RTL4: variants seen among roughly 807,000 people sequenced by gnomAD.
RTL4 encodes retrotransposon Gag like 4.
Under a neutral mutation model 5.3 loss-of-function variants are expected in RTL4, and 4 were observed. That is an observed-to-expected ratio of 0.75 (90% CI 0.37 to 1.72). The LOEUF is 1.72. Among genes scored for constraint, RTL4 ranks in the 40% most tolerant of loss-of-function variants. The probability of loss-of-function intolerance (pLI) is 0.04; values close to 1 mark genes in which losing one functional copy is unlikely to be tolerated. For synonymous variants in RTL4, 98 were observed against 87.3 expected, an observed-to-expected ratio of 1.12 and a Z score of -0.68; for missense variants, 260 against 227.1, an observed-to-expected ratio of 1.14 and a Z score of -0.93.
the RTL4 span, among the ~76,000 whole-genome samples, chrX:112,390,962 G>C: frequency 3.6e-5 from 4 of 111,802 alleles, no homozygotes; most frequent in African/African-American, 1.3e-4. Flanking sequence ...CCAATGATTT[G>C]TATATTTGGC....
At chrX:112,116,102 C>T in the RTL4 span, among the ~76,000 whole-genome samples, 2 of 112,271 alleles carry the variant, frequency 1.8e-5, no homozygotes, top group South Asian at 7.5e-4. Context: ...TCCCAGAAAG[C>T]CTGACATCCG....
chrX:112,212,353 G>A, the RTL4 span, among the ~76,000 whole-genome samples: 1 of 111,721 alleles, frequency 9.0e-6, no homozygotes, highest in Non-Finnish European at 1.9e-5. Flanking sequence ...TCCAGCCTGG[G>A]CGACAGAGCG....
the RTL4 span, among the ~76,000 whole-genome samples, chrX:112,204,464 T>C: frequency 8.9e-6 from 1 of 112,355 alleles, no homozygotes; most frequent in African/African-American, 3.2e-5. Flanking sequence ...AGTACTTATA[T>C]ACAATGGAGT....
At chrX:112,393,090 G>A in the RTL4 span, among the ~76,000 whole-genome samples, 6,102 of 109,407 alleles carry the variant, frequency 0.056, 456 homozygotes, top group African/African-American at 0.19. Flanking sequence ...TTGGGGGCCC[G>A]CTTATAAAAG....
the RTL4 span, among the ~76,000 whole-genome samples, chrX:112,238,336 T>C: frequency 8.9e-6 from 1 of 112,269 alleles, no homozygotes; most frequent in Non-Finnish European, 1.9e-5. Context: ...TACTTATCAT[T>C]CTACATCTTA....
chrX:112,119,391 G>A, the RTL4 span, among the ~76,000 whole-genome samples: 1 of 110,553 alleles, frequency 9.0e-6, no homozygotes, highest in Non-Finnish European at 1.9e-5. Flanking sequence ...TTGTGAGGGA[G>A]TATGCTTCAA....
At chrX:112,272,213 T>C in the RTL4 span, among the ~76,000 whole-genome samples, 1 of 112,381 alleles carries the variant, frequency 8.9e-6, no homozygotes, top group Non-Finnish European at 1.9e-5. Context: ...TTAAAAATTG[T>C]GGTAATAGAG....
chrX:112,346,515 G>A, the RTL4 span, among the ~76,000 whole-genome samples: 1 of 111,499 alleles, frequency 9.0e-6, no homozygotes, highest in Non-Finnish European at 1.9e-5. Flanking sequence ...AATGGAAAAG[G>A]TACAACACAA....
At chrX:112,168,939 T>TTCTTTC in the RTL4 span, among the ~76,000 whole-genome samples, 3 of 91,855 alleles carry the variant, frequency 3.3e-5, no homozygotes, top group Non-Finnish European at 6.5e-5. Context: ...CTTTCTTTCT[T>TTCTTTC]TTTCTTTCTT....
chrX:112,236,614 G>T, the RTL4 span, among the ~76,000 whole-genome samples: 1 of 105,273 alleles, frequency 9.5e-6, no homozygotes, highest in Non-Finnish European at 1.9e-5. Context: ...CCCAAAGGCA[G>T]AGAAATTCAC....
chrX:112,150,753 G>A, the RTL4 span, among the ~76,000 whole-genome samples: 10 of 111,914 alleles, frequency 8.9e-5, no homozygotes, highest in African/African-American at 2.9e-4. Flanking sequence ...ATGGAATTCC[G>A]GTTAAATAAC....
the RTL4 span, among the ~76,000 whole-genome samples, chrX:112,355,307 A>G: frequency 9.0e-6 from 1 of 111,370 alleles, no homozygotes; most frequent in East Asian, 2.9e-4. Context: ...CCTCAAAGAA[A>G]TGGAAGGGAG....
chrX:112,284,239 G>C, the RTL4 span, among the ~76,000 whole-genome samples: 1 of 107,546 alleles, frequency 9.3e-6, no homozygotes, highest in Non-Finnish European at 1.9e-5. Flanking sequence ...TTTGGCAGAA[G>C]AATTCTTCAA....
chrX:112,091,646 T>C, the RTL4 span, among the ~76,000 whole-genome samples: 1 of 111,625 alleles, frequency 9.0e-6, no homozygotes, highest in East Asian at 2.8e-4. Flanking sequence ...AGGACTTGTT[T>C]TGTGACCTAA....
At chrX:112,112,797 G>A in the RTL4 span, among the ~76,000 whole-genome samples, 6 of 111,858 alleles carry the variant, frequency 5.4e-5, no homozygotes, top group African/African-American at 1.3e-4. Context: ...GACCATCCAC[G>A]TAAGTTGGGA....
the RTL4 span, among the ~76,000 whole-genome samples, chrX:112,375,444 A>G: frequency 1.8e-5 from 2 of 111,367 alleles, no homozygotes; most frequent in African/African-American, 6.5e-5. Context: ...GGATGAGTTC[A>G]GAAAGAACTG....
At chrX:112,454,841 C>A (rs2147894641) in exon 1 of RTL4, 1 of 1,211,251 alleles carries the variant, frequency 8.3e-7, no homozygotes, top group Non-Finnish European at 1.1e-6. Flanking sequence ...GAGAACACTG[C>A]TAAAAGGGGC....
chrX:112,174,608 G>T, the RTL4 span, among the ~76,000 whole-genome samples: 3 of 86,492 alleles, frequency 3.5e-5, no homozygotes, highest in Non-Finnish European at 4.5e-5. Flanking sequence ...GTAATGGGAT[G>T]GCTGGGTCAA....
chrX:112,190,172 C>CTTTCTTTCTTTCTTTCTT, the RTL4 span, among the ~76,000 whole-genome samples: 66 of 92,259 alleles, frequency 7.2e-4, no homozygotes, highest in Middle Eastern at 0.016. Flanking sequence ...TTCTTTCTTT[C>CTTTCTTTCTTTCTTTCTT]TTTCTTTCTT....
Sources: gnomAD v4.1 joint callset for allele counts (sites outside exome capture counted in the v4.1 genomes callset) on GRCh38, gnomAD v4.1.1 for gene constraint, MANE v1.5 for transcripts, NCBI Gene and HGNC (gene_info 2026-07-23, HGNC 2026-07-21) for gene names.